The following TTC28 variants were observed in gnomAD, a reference collection of about 807,000 sequenced individuals.
TTC28 encodes the protein tetratricopeptide repeat protein 28.
Under a neutral mutation model 198.0 loss-of-function variants are expected in TTC28, and 61 were observed. The ratio of observed to expected loss-of-function variants is 0.31; its 90% CI spans 0.25 to 0.38. The LOEUF (loss-of-function observed/expected upper bound fraction) is 0.38, where lower values mean the gene tolerates loss of function less well. Ranked by LOEUF, TTC28 falls within the 10% of genes least tolerant of loss-of-function variation. The probability of loss-of-function intolerance (pLI) is 1.00; values close to 1 mark genes in which losing one functional copy is unlikely to be tolerated. For missense variants in TTC28, 2,678 were observed against 3,164.0 expected (o/e 0.85, Z 3.69); for synonymous variants, 1,171 against 1,297.8 (o/e 0.90, Z 2.10).
chr22:28,188,840 G>T (rs754343362), intron 5 of TTC28, among the ~76,000 whole-genome samples: 8 of 152,106 alleles, frequency 5.3e-5, no homozygotes, highest in Non-Finnish European at 1.0e-4. Flanking sequence ...GCTCACCATC[G>T]TTTCAACCTG....
At chr22:28,089,865 C>CA (rs1467035751) in intron 12 of TTC28, among the ~76,000 whole-genome samples, 3 of 151,306 alleles carry the variant, frequency 2.0e-5, no homozygotes, top group Admixed American at 6.6e-5. Flanking sequence ...ATCGCAAGGA[C>CA]AAAAAACCAC....
At chr22:28,249,906 T>TC (rs1416816374) in intron 5 of TTC28, among the ~76,000 whole-genome samples, 2 of 152,206 alleles carry the variant, frequency 1.3e-5, no homozygotes, top group Non-Finnish European at 2.9e-5. Context: ...TTGAGACCAA[T>TC]CCACTGTTCC....
At chr22:28,282,278 A>G (rs1223205440) in intron 5 of TTC28, among the ~76,000 whole-genome samples, 2 of 152,196 alleles carry the variant, frequency 1.3e-5, no homozygotes, top group Non-Finnish European at 2.9e-5. Context: ...GCATAGCTAC[A>G]GGGGATAAAA....
At chr22:28,380,346 G>A (rs1046297559) in intron 2 of TTC28, among the ~76,000 whole-genome samples, 2 of 152,118 alleles carry the variant, frequency 1.3e-5, no homozygotes, top group Non-Finnish European at 2.9e-5. Context: ...AACAGACAAT[G>A]CTGGAAACTA....
At chr22:28,099,075 T>C in intron 9 of TTC28, 31 bp from the exon 10 acceptor site, 11 of 1,551,316 alleles carry the variant, frequency 7.1e-6, no homozygotes, top group Non-Finnish European at 9.6e-6. Flanking sequence ...CATCATCCAT[T>C]CCCCAGAAAC....
chr22:28,498,114 T>C (rs1321012082), intron 2 of TTC28, among the ~76,000 whole-genome samples: 1 of 142,970 alleles, frequency 7.0e-6, no homozygotes, highest in African/African-American at 2.6e-5. Context: ...GTCAAGGAAA[T>C]AGAACATTGA....
In TTC28 at chr22:28,456,612, T is replaced by C. The variant is rs568308810; in HGVS notation, c.382-149969A>G. On this transcript the variant is annotated intron_variant, in intron 2 of 22. Coordinates refer to ENST00000397906, the MANE Select transcript of TTC28 (RefSeq NM_001145418.2). ...TTTTCTTTGAGACGAAGTCTCACTC[T>C]GACTCCGGTTTGGAGTGCAGTGGCA... Among the ~76,000 whole-genome samples the C allele has an allele frequency of 5.3e-5, 8 of 152,338 alleles. No individual in the cohort carries two copies. In the South Asian group the frequency reaches 1.7e-3, roughly 32 times the overall value.
chr22:28,278,890 C>A (rs543875250), intron 5 of TTC28, among the ~76,000 whole-genome samples: 6 of 152,002 alleles, frequency 3.9e-5, no homozygotes, highest in Non-Finnish European at 5.9e-5. Context: ...CTAGGATATG[C>A]GGGGTACGTA....
At chr22:28,643,600 C>T (rs2051404244) in intron 1 of TTC28, among the ~76,000 whole-genome samples, 1 of 152,172 alleles carries the variant, frequency 6.6e-6, no homozygotes, top group South Asian at 2.1e-4. Context: ...GGGAGAAATT[C>T]CTCACCCACA....
At chr22:28,363,292 T>G (rs2046187524) in intron 2 of TTC28, among the ~76,000 whole-genome samples, 1 of 152,122 alleles carries the variant, frequency 6.6e-6, no homozygotes, top group Non-Finnish European at 1.5e-5. Flanking sequence ...CTTCAGAGGG[T>G]AGAAGCCTGA....
chr22:28,353,044 T>G (rs1316400753), intron 2 of TTC28, among the ~76,000 whole-genome samples: 1 of 152,110 alleles, frequency 6.6e-6, no homozygotes, highest in Non-Finnish European at 1.5e-5. Flanking sequence ...AGCTGATAAC[T>G]AGTGGCTGGG....
intron 1 of TTC28, among the ~76,000 whole-genome samples, chr22:28,644,259 C>T (rs1442911680): frequency 2.6e-5 from 4 of 151,878 alleles, no homozygotes; most frequent in Non-Finnish European, 4.4e-5. Flanking sequence ...ATTAGCCGGG[C>T]GTGGTGGCAG....
intron 5 of TTC28, among the ~76,000 whole-genome samples, chr22:28,196,725 A>G (rs1925385609): frequency 6.6e-6 from 1 of 151,624 alleles, no homozygotes; most frequent in South Asian, 2.1e-4. Context: ...AATGCAAATC[A>G]AAACCACACC....
intron 5 of TTC28, among the ~76,000 whole-genome samples, chr22:28,200,345 T>C (rs1422830473): frequency 6.6e-6 from 1 of 152,196 alleles, no homozygotes; most frequent in African/African-American, 2.4e-5. Context: ...TGACATGTCA[T>C]TTTTGTTTGC....
chr22:28,401,248 G>A (rs535786454), intron 2 of TTC28, among the ~76,000 whole-genome samples: 6 of 152,146 alleles, frequency 3.9e-5, no homozygotes, highest in Middle Eastern at 3.4e-3. Flanking sequence ...CGACGACGAC[G>A]ACAACTACTA....
At chr22:28,513,152 A>T (rs1250874538) in intron 2 of TTC28, among the ~76,000 whole-genome samples, 2 of 152,016 alleles carry the variant, frequency 1.3e-5, no homozygotes, top group Non-Finnish European at 2.9e-5. Context: ...CTGGTCTGGA[A>T]ATTTTTTAAT....
chr22:28,409,532 A>T (rs2047049077), intron 2 of TTC28, among the ~76,000 whole-genome samples: 2 of 150,564 alleles, frequency 1.3e-5, no homozygotes, highest in African/African-American at 4.9e-5. Context: ...ACGTTAATAT[A>T]TATTATATAT....
At chr22:28,066,275 C>CGTGTGTGTGT (rs796325170) in intron 12 of TTC28, among the ~76,000 whole-genome samples, 2 of 135,602 alleles carry the variant, frequency 1.5e-5, no homozygotes, top group African/African-American at 5.1e-5. Flanking sequence ...ACCTAGTTAC[C>CGTGTGTGTGT]GTGTGTGTGT....
chr22:28,379,488 T>C (rs2046463559), intron 2 of TTC28, among the ~76,000 whole-genome samples: 1 of 152,190 alleles, frequency 6.6e-6, no homozygotes. Context: ...TAGATGAACC[T>C]TGAGGACATT....
Sources: allele counts gnomAD v4.1 joint callset (sites outside exome capture counted in the v4.1 genomes callset), GRCh38; gene constraint gnomAD v4.1.1; transcripts MANE v1.5; gene names NCBI Gene and HGNC (gene_info 2026-07-23, HGNC 2026-07-21).